Variants in MXI1 observed in about 807,000 individuals in gnomAD.
The protein encoded by MXI1 is MAX interactor 1, dimerization protein, also known as max-interacting protein 1.
In MXI1, 18 loss-of-function variants were observed where a neutral mutation model predicts 36.9. That is an observed-to-expected ratio of 0.49 (90% CI 0.34 to 0.72). The LOEUF (loss-of-function observed/expected upper bound fraction) is 0.72, where lower values mean the gene tolerates loss of function less well. Ranked by LOEUF, MXI1 falls within the 30% of genes least tolerant of loss-of-function variation. The pLI, the probability that MXI1 is intolerant of heterozygous loss-of-function variation, is 0.01. For missense variants in MXI1, 304 were observed against 379.1 expected, an observed-to-expected ratio of 0.80 and a Z score of 1.64; for synonymous variants, 160 against 146.7, an observed-to-expected ratio of 1.09 and a Z score of -0.65.
intron 1 of MXI1, among the ~76,000 whole-genome samples, chr10:110,214,365 G>A (rs1391791695): frequency 6.6e-6 from 1 of 151,958 alleles, no homozygotes; most frequent in Non-Finnish European, 1.5e-5. Context: ...TTTCAGAGTT[G>A]TTCAACTCTC....
At chr10:110,265,215 C>T (rs922010564) in intron 3 of MXI1, among the ~76,000 whole-genome samples, 1 of 152,150 alleles carries the variant, frequency 6.6e-6, no homozygotes, top group Non-Finnish European at 1.5e-5. Context: ...TATCTTTTAG[C>T]AACAGTTTTA....
Position 110,228,185 on chromosome 10 carries a change from T to G in MXI1, c.275-4T>G, listed in dbSNP as rs760548346. On this transcript the variant is annotated splice_polypyrimidine_tract_variant and splice_region_variant and intron_variant, in intron 1 of 5. Transcript: ENST00000332674. ...ACCGTATCTTTTTTTCTTGCTTTCTTCAGAGTGTGAACATGGCTACGCCTC... is the reference window on the plus strand; with the variant it reads ...ACCGTATCTTTTTTTCTTGCTTTCTGCAGAGTGTGAACATGGCTACGCCTC... 1.9e-6 allele frequency: 3 copies of G among 1,613,916 alleles called. No homozygotes were observed. The highest frequency in any genetic ancestry group is 2.5e-6 in the Non-Finnish European group (3 of 1,179,946).
At chr10:110,239,906 C>CA (rs1207524620) in intron 2 of MXI1, among the ~76,000 whole-genome samples, 3 of 151,692 alleles carry the variant, frequency 2.0e-5, no homozygotes, top group African/African-American at 7.3e-5. Context: ...CAGTCACTGT[C>CA]ACCCCCTCCC....
intron 1 of MXI1, among the ~76,000 whole-genome samples, chr10:110,221,810 TC>T (rs550369579): frequency 1.3e-5 from 2 of 152,010 alleles, no homozygotes; most frequent in Admixed American, 1.3e-4. Flanking sequence ...CCCCTGGCGT[TC>T]CCCCCACCCC....
intron 1 of MXI1, among the ~76,000 whole-genome samples, chr10:110,218,070 A>C (rs1854699294): frequency 6.6e-6 from 1 of 152,344 alleles, no homozygotes; most frequent in African/African-American, 2.4e-5. Flanking sequence ...AGTAGAGACT[A>C]AAACCCCAGA....
chr10:110,227,382 C>A (rs1023988076), intron 1 of MXI1: 3 of 981,920 alleles, frequency 3.1e-6, no homozygotes, highest in African/African-American at 1.8e-5. Context: ...TGAGAGGTCG[C>A]GCAGGTGCTG....
rs139332441 is a variant in MXI1 at position 110,240,587 on chromosome 10, A to G, written c.408-4241A>G. Among the ~76,000 whole-genome samples, 503 of 152,204 alleles carry G rather than the reference A, an allele frequency of 3.3e-3. 2 individuals carry two copies. The highest frequency in any genetic ancestry group is 5.4e-3 in the Non-Finnish European group (370 of 67,932). ...CTACCGTCTTAAAAGAAGAATAATA[A>G]TAAATAGAAGTTTTACTGTTCCACT... On this transcript the variant is annotated intron_variant, in intron 2 of 5. Coordinates refer to ENST00000332674, the MANE Select transcript of MXI1 (RefSeq NM_130439.3).
chr10:110,231,772 C>CT (rs1564710577), intron 2 of MXI1, among the ~76,000 whole-genome samples: 1 of 152,136 alleles, frequency 6.6e-6, no homozygotes, highest in Non-Finnish European at 1.5e-5. Flanking sequence ...TTTGGTACCA[C>CT]AGGTGAAAAA....
At chr10:110,273,468 AATGTCATTTTTC>A (rs1364838271) in intron 3 of MXI1, among the ~76,000 whole-genome samples, 2 of 152,138 alleles carry the variant, frequency 1.3e-5, no homozygotes, top group South Asian at 2.1e-4. Context: ...ATCCATTTTT[AATGTCATTTTTC>A]ATTAGGAAAA....
intron 3 of MXI1, among the ~76,000 whole-genome samples, chr10:110,273,738 C>T (rs1856936451): frequency 6.6e-6 from 1 of 152,188 alleles, no homozygotes; most frequent in African/African-American, 2.4e-5. Flanking sequence ...GCACTGTCTC[C>T]ATCACTTGAC....
intron 3 of MXI1, among the ~76,000 whole-genome samples, chr10:110,261,494 C>T (rs1366285248): frequency 6.6e-6 from 1 of 150,886 alleles, no homozygotes; most frequent in Non-Finnish European, 1.5e-5. Flanking sequence ...TAGAGGTCAT[C>T]AAATCATATT....
At chr10:110,263,587 T>C (rs1384436036) in intron 3 of MXI1, among the ~76,000 whole-genome samples, 1 of 152,254 alleles carries the variant, frequency 6.6e-6, no homozygotes, top group Non-Finnish European at 1.5e-5. Flanking sequence ...TTTTCTGTTA[T>C]GAAAACCTTT....
chr10:110,236,222 T>G (rs1347064106), intron 2 of MXI1, among the ~76,000 whole-genome samples: 2 of 141,464 alleles, frequency 1.4e-5, no homozygotes, highest in African/African-American at 5.1e-5. Context: ...CTTTATTCAT[T>G]AAATGGCCTT....
intron 1 of MXI1, chr10:110,227,588 T>C: frequency 1.3e-3 from 548 of 436,204 alleles, no homozygotes; most frequent in Non-Finnish European, 1.4e-3. Flanking sequence ...CTGGGGGGGG[T>C]CAGGGGAAGG....
chr10:110,224,408 G>C (rs921949395), intron 1 of MXI1, among the ~76,000 whole-genome samples: 10 of 152,170 alleles, frequency 6.6e-5, no homozygotes, highest in Non-Finnish European at 1.5e-4. Flanking sequence ...AGGCATTTTT[G>C]GTTGTCACAC....
In MXI1 at chr10:110,216,724, T is replaced by TGG. The variant is rs1422070319; in HGVS notation, c.274+8643_274+8644dup. The stretch of plus-strand genomic sequence containing the variant: ...TGCTCTGTTACCCAGGCTAGTACAG[T>TGG]GGCACAATCTCAGCTCACTGCAACC... On this transcript the variant is annotated intron_variant, in intron 1 of 5. Transcript: ENST00000332674. Among the ~76,000 whole-genome samples, 77 of 132,876 alleles carry TGG rather than the reference T, an allele frequency of 5.8e-4. 1 individual carries two copies. Among genetic ancestry groups the TGG allele is most frequent in the African/African-American group, 2.2e-3 (75 of 34,774 alleles). 87.2% of individuals were successfully genotyped at this position (132,876 alleles called of 152,430 possible).
chr10:110,236,124 CTTTTTTTTTTTTTT>C (rs60576710), intron 2 of MXI1, among the ~76,000 whole-genome samples: 11 of 33,572 alleles, frequency 3.3e-4, no homozygotes, highest in South Asian at 1.1e-3. Context: ...GGTTGAAGTT[CTTTTTTTTTTTTTT>C]TTTTTTTTTT....
At chr10:110,276,557 G>T (rs1290866742) in intron 3 of MXI1, among the ~76,000 whole-genome samples, 1 of 152,026 alleles carries the variant, frequency 6.6e-6, no homozygotes, top group Non-Finnish European at 1.5e-5. Flanking sequence ...TGGACCAAAT[G>T]AAACAAAGTA....
chr10:110,247,289 G>A (rs966001373), intron 3 of MXI1, among the ~76,000 whole-genome samples: 4 of 152,084 alleles, frequency 2.6e-5, no homozygotes, highest in African/African-American at 4.8e-5. Flanking sequence ...GATATTAGCC[G>A]TTTGTCAGAT....
Sources: allele counts gnomAD v4.1 joint callset (sites outside exome capture counted in the v4.1 genomes callset), GRCh38; gene constraint gnomAD v4.1.1; transcripts MANE v1.5; gene names NCBI Gene and HGNC (gene_info 2026-07-23, HGNC 2026-07-21).